MGMT: variants seen among roughly 807,000 people sequenced by gnomAD.
MGMT encodes the protein O-6-methylguanine-DNA methyltransferase.
MGMT carries 14 observed loss-of-function variants against 15.9 expected under a neutral mutation model. The ratio of observed to expected loss-of-function variants is 0.88; its 90% CI spans 0.58 to 1.37. MGMT has a LOEUF of 1.37. Ranked by LOEUF, MGMT falls within the 40% of genes most tolerant of loss-of-function variation. The pLI, the probability that MGMT is intolerant of heterozygous loss-of-function variation, is 0.00. For missense variants in MGMT, 282 were observed against 268.1 expected (o/e 1.05, Z -0.36); for synonymous variants, 130 against 118.2 (o/e 1.10, Z -0.65).
chr10:129,478,616 A>G (rs1464979689), intron 1 of MGMT, among the ~76,000 whole-genome samples: 3 of 152,246 alleles, frequency 2.0e-5, no homozygotes, highest in African/African-American at 7.2e-5. Context: ...AGGAAACTCA[A>G]ATTGTCAGCC....
intron 1 of MGMT, among the ~76,000 whole-genome samples, chr10:129,518,852 C>T (rs1286019154): frequency 1.3e-5 from 2 of 151,654 alleles, no homozygotes; most frequent in Non-Finnish European, 2.9e-5. Flanking sequence ...CTGTGTGGGG[C>T]TTCAACAGCC....
At chr10:129,745,294 G>A (rs1023423154) in intron 3 of MGMT, among the ~76,000 whole-genome samples, 7 of 152,014 alleles carry the variant, frequency 4.6e-5, no homozygotes, top group Admixed American at 3.3e-4. Context: ...ATACAGTCCC[G>A]TGAATGTTAA....
chr10:129,579,988 C>T (rs951796991), intron 2 of MGMT, among the ~76,000 whole-genome samples: 4 of 152,148 alleles, frequency 2.6e-5, no homozygotes, highest in Admixed American at 6.5e-5. Flanking sequence ...CTCCTTAGGC[C>T]GGTGTGTGGT....
In MGMT at chr10:129,579,132, TAAAAC is replaced by T. The variant is rs1408630949; in HGVS notation, c.125+42758_125+42762del. Among the ~76,000 whole-genome samples the T allele has an allele frequency of 3.3e-5, 5 of 152,346 alleles. No individual in the cohort carries two copies. In the South Asian group the frequency reaches 1.0e-3, roughly 32 times the overall value. ...ATTTTACTCATTTTCTATATTGAAT[TAAAAC>T]AAGAAATTAGCTGAGCATTTTCCAA... is the stretch of plus-strand genomic sequence containing the variant. On this transcript the variant is annotated intron_variant, in intron 2 of 4. Coordinates refer to ENST00000651593, the MANE Select transcript of MGMT (RefSeq NM_002412.5).
At chr10:129,745,699 C>T (rs1045130620) in intron 3 of MGMT, among the ~76,000 whole-genome samples, 17 of 152,126 alleles carry the variant, frequency 1.1e-4, no homozygotes, top group African/African-American at 2.4e-4. Flanking sequence ...TGCGTTTCCC[C>T]GATGGCCAGT....
intron 3 of MGMT, among the ~76,000 whole-genome samples, chr10:129,718,600 G>C (rs1378423881): frequency 6.6e-6 from 1 of 152,232 alleles, no homozygotes; most frequent in East Asian, 1.9e-4. Flanking sequence ...GGATCTGAGG[G>C]ATGAAGCCAG....
At chr10:129,656,224 C>T (rs1041700417) in intron 2 of MGMT, among the ~76,000 whole-genome samples, 1 of 152,216 alleles carries the variant, frequency 6.6e-6, no homozygotes, top group Admixed American at 6.5e-5. Flanking sequence ...GGAGTCTGGA[C>T]TGCAGTCGGG....
At chr10:129,544,266 G>T (rs551620478) in intron 2 of MGMT, among the ~76,000 whole-genome samples, 1 of 152,320 alleles carries the variant, frequency 6.6e-6, no homozygotes, top group South Asian at 2.1e-4. Context: ...GCCAGGGGAG[G>T]AAAGATCCCG....
chr10:129,732,828 A>T (rs1848517552), intron 3 of MGMT, among the ~76,000 whole-genome samples: 1 of 145,146 alleles, frequency 6.9e-6, no homozygotes, highest in Non-Finnish European at 1.5e-5. Context: ...TGTTCTTGCG[A>T]TAGTTTACTG....
chr10:129,700,150 A>G (rs7086923), intron 2 of MGMT: 56,119 of 151,916 alleles, frequency 0.37, 11,370 homozygotes, highest in Non-Finnish European at 0.45. Context: ...TGCCATCGTC[A>G]TCATCGTCAT....
At chr10:129,534,584 T>A (rs953604599) in intron 1 of MGMT, among the ~76,000 whole-genome samples, 1 of 152,002 alleles carries the variant, frequency 6.6e-6, no homozygotes, top group Admixed American at 6.5e-5. Context: ...TCTCTCCTCG[T>A]TCTTGGAAAG....
At chr10:129,765,416 C>G (rs753947227) in intron 4 of MGMT, among the ~76,000 whole-genome samples, 10 of 152,194 alleles carry the variant, frequency 6.6e-5, no homozygotes, top group Admixed American at 1.3e-4. Flanking sequence ...GGCTGTGTGG[C>G]CATCCCTGTC....
At chr10:129,705,739 C>T (rs1347617133) in intron 2 of MGMT, among the ~76,000 whole-genome samples, 2 of 152,212 alleles carry the variant, frequency 1.3e-5, no homozygotes, top group Admixed American at 6.5e-5. Context: ...CAGTTGTTTG[C>T]AGCTCCGGGG....
At chr10:129,486,488 C>T (rs566507695) in intron 1 of MGMT, among the ~76,000 whole-genome samples, 10 of 152,112 alleles carry the variant, frequency 6.6e-5, no homozygotes, top group South Asian at 6.2e-4. Context: ...TGCGCCCAGC[C>T]GGTTATTGTA....
chr10:129,578,700 A>G (rs1419706925), intron 2 of MGMT, among the ~76,000 whole-genome samples: 3 of 152,190 alleles, frequency 2.0e-5, no homozygotes, highest in Non-Finnish European at 2.9e-5. Context: ...AAGAAACAAG[A>G]TGAGCTTGTG....
chr10:129,679,370 T>C (rs1237804102), intron 2 of MGMT, among the ~76,000 whole-genome samples: 1 of 131,316 alleles, frequency 7.6e-6, no homozygotes, highest in Non-Finnish European at 1.6e-5. Flanking sequence ...CCTGCGGGCT[T>C]CCACAACTGG....
At chr10:129,649,342 C>T (rs1173239946) in intron 2 of MGMT, among the ~76,000 whole-genome samples, 2 of 151,822 alleles carry the variant, frequency 1.3e-5, no homozygotes, top group Non-Finnish European at 2.9e-5. Context: ...TGTATCTTCC[C>T]GCGACGTGGT....
At chr10:129,764,449 A>G (rs1257407574) in intron 4 of MGMT, among the ~76,000 whole-genome samples, 1 of 152,212 alleles carries the variant, frequency 6.6e-6, no homozygotes, top group Non-Finnish European at 1.5e-5. Context: ...AGCTGCCTGC[A>G]CCAAAAGCCT....
At chr10:129,658,389 T>C (rs1350445516) in intron 2 of MGMT, among the ~76,000 whole-genome samples, 1 of 152,200 alleles carries the variant, frequency 6.6e-6, no homozygotes, top group African/African-American at 2.4e-5. Context: ...AACACCAAAA[T>C]GCTGAATGAC....
Sources: gnomAD v4.1 joint callset for allele counts (sites outside exome capture counted in the v4.1 genomes callset) on GRCh38, gnomAD v4.1.1 for gene constraint, MANE v1.5 for transcripts, NCBI Gene and HGNC (gene_info 2026-07-23, HGNC 2026-07-21) for gene names.